OGN: variants seen among roughly 807,000 people sequenced by gnomAD.
The protein encoded by OGN is mimecan.
Under a neutral mutation model 30.8 loss-of-function variants are expected in OGN, and 19 were observed. The ratio of observed to expected loss-of-function variants is 0.62; its 90% CI spans 0.43 to 0.90. The LOEUF (loss-of-function observed/expected upper bound fraction) is 0.90, where lower values mean the gene tolerates loss of function less well. Among genes scored for constraint, OGN ranks in the 40% least tolerant of loss-of-function variants. OGN has a pLI of 0.00. For missense variants in OGN, 283 were observed against 349.7 expected (o/e 0.81, Z 1.52); for synonymous variants, 126 against 128.3 (o/e 0.98, Z 0.12).
In OGN at chr9:92,384,524, A is replaced by C. The variant is rs1413822930; in HGVS notation, c.*1096T>G. On this transcript the variant is annotated 3_prime_UTR_variant, in exon 7 of 7. Transcript: ENST00000375561. ...ACAAGTGAGAGGAATGTTATTTTAG[A>C]AACTTTACTCTGGCACCACTGAGTC... The C allele has an allele frequency of 1.3e-5, 2 of 152,342 alleles. No individual in the cohort carries two copies. The highest frequency in any genetic ancestry group is 3.9e-4 in the East Asian group (2 of 5,188). 9.4% of individuals were successfully genotyped at this position (152,342 alleles called of 1,614,324 possible). A position where few individuals can be genotyped will look rare whatever the true frequency, so the allele number is the denominator to read the frequency against.
At chr9:92,385,937 G>A in intron 6 of OGN, 147 bp from the exon 7 acceptor site, 1 of 732,868 alleles carries the variant, frequency 1.4e-6, no homozygotes, top group South Asian at 1.8e-5. Context: ...ATACTCAAAT[G>A]TACACCTGGA....
intron 3 of OGN, among the ~76,000 whole-genome samples, chr9:92,394,933 T>A (rs1241770577): frequency 1.3e-5 from 2 of 152,148 alleles, no homozygotes; most frequent in Admixed American, 1.3e-4. Context: ...AATTGATATT[T>A]TCATATCAAT....
At chr9:92,397,484 G>GC (rs1842937383) in intron 3 of OGN, among the ~76,000 whole-genome samples, 1 of 152,060 alleles carries the variant, frequency 6.6e-6, no homozygotes. Flanking sequence ...GTGCCACCAT[G>GC]CCCAGCTAAT....
intron 3 of OGN, among the ~76,000 whole-genome samples, chr9:92,399,417 A>G (rs1302854525): frequency 6.6e-6 from 1 of 152,114 alleles, no homozygotes; most frequent in Non-Finnish European, 1.5e-5. Context: ...TGCTTTATAA[A>G]TTAGAGTTAC....
At chr9:92,398,720 C>A (rs1373496988) in intron 3 of OGN, among the ~76,000 whole-genome samples, 1 of 152,158 alleles carries the variant, frequency 6.6e-6, no homozygotes, top group Non-Finnish European at 1.5e-5. Context: ...CAATTGCATG[C>A]AATGCTTTAG....
intron 4 of OGN, among the ~76,000 whole-genome samples, chr9:92,391,471 T>C (rs1054593269): frequency 3.2e-4 from 49 of 151,744 alleles, no homozygotes; most frequent in African/African-American, 1.1e-3. Flanking sequence ...TGGTGGCACA[T>C]GCCTGTAGTC....
chr9:92,398,260 GTTTATGTT>G (rs1842974296), intron 3 of OGN, among the ~76,000 whole-genome samples: 1 of 152,078 alleles, frequency 6.6e-6, no homozygotes, highest in Non-Finnish European at 1.5e-5. Context: ...GCACAATCAA[GTTTATGTT>G]TTTATGTTTG....
At chr9:92,395,055 C>T (rs1164516629) in intron 3 of OGN, among the ~76,000 whole-genome samples, 1 of 152,026 alleles carries the variant, frequency 6.6e-6, no homozygotes, top group African/African-American at 2.4e-5. Flanking sequence ...GGTTAGCTGA[C>T]TTACAATTAA....
chr9:92,385,803 G>A lies in OGN; in HGVS notation c.727-13C>T, dbSNP rs1195071008. On this transcript the variant is annotated splice_polypyrimidine_tract_variant and intron_variant, in intron 6 of 6. Transcript: ENST00000375561. The stretch of plus-strand genomic sequence containing the variant: ...CTATGTTGTTGAACTGAAAAAAAAC[G>A]AGGAAAACATTGTTCAGAAATCTGA... The A allele has an allele frequency of 1.6e-5, 25 of 1,612,838 alleles. No homozygotes were observed. The highest frequency in any genetic ancestry group is 3.3e-4 in the Middle Eastern group (2 of 6,082).
chr9:92,399,812 T>G (rs1843035577), intron 3 of OGN, among the ~76,000 whole-genome samples: 1 of 152,192 alleles, frequency 6.6e-6, no homozygotes, highest in Non-Finnish European at 1.5e-5. Context: ...AATTTTCATG[T>G]GTATTTTTGT....
At chr9:92,387,053 GAAAAAAAA>G (rs903436031) in intron 5 of OGN, among the ~76,000 whole-genome samples, 5 of 50,168 alleles carry the variant, frequency 1.0e-4, no homozygotes, top group African/African-American at 2.4e-4. Flanking sequence ...GTCTCAAAAA[GAAAAAAAA>G]AAAAAAAAAA....
chr9:92,385,518 A>G lies in OGN; in HGVS notation c.*102T>C. ...AAATATTAAATTCCTTCAAAATGAG[A>G]TACAAGGTTAATATTAAACCAATAC... On this transcript the variant is annotated 3_prime_UTR_variant, in exon 7 of 7. Coordinates refer to ENST00000375561, the MANE Select transcript of OGN (RefSeq NM_014057.5). 4 of 971,468 alleles carry G rather than the reference A, an allele frequency of 4.1e-6. No individual in the cohort carries two copies. The highest frequency in any genetic ancestry group is 6.2e-6 in the Non-Finnish European group (4 of 650,386). The allele number at this position is 971,468 out of a possible 1,614,324, so 60.2% of individuals were successfully genotyped here.
intron 3 of OGN, among the ~76,000 whole-genome samples, chr9:92,398,792 C>T (rs1029576515): frequency 6.6e-5 from 10 of 152,050 alleles, no homozygotes; most frequent in South Asian, 2.1e-4. Flanking sequence ...CAAAGTTGGC[C>T]GGGAGTGGTG....
At position 92,393,194 on chromosome 9, in the gene OGN, C is replaced by T; in HGVS notation, c.319G>A (p.Glu107Lys). 6.2e-7 allele frequency: 1 copy of T among 1,613,762 alleles called. No homozygotes were observed. Among genetic ancestry groups the T allele is most frequent in the Non-Finnish European group, 8.5e-7 (1 of 1,179,792 alleles). Residue 107 changes from glutamate (E) to lysine (K), a missense_variant, in exon 4 of 7, where the codon GAA (glutamate) becomes AAA (lysine). Coordinates refer to ENST00000375561, the MANE Select transcript of OGN (RefSeq NM_014057.5). ...CVCLSGSVYCEEVDIDAVPPL... is the reference protein window; with the variant it reads ...CVCLSGSVYCKEVDIDAVPPL... ...GGTACAGCATCAATGTCAACTTCTT[C>T]ACAGTATACAGAGCCACTTAAACAA...
At chr9:92,402,377 G>A (rs1308470386) in intron 2 of OGN, among the ~76,000 whole-genome samples, 3 of 152,136 alleles carry the variant, frequency 2.0e-5, no homozygotes, top group Non-Finnish European at 4.4e-5. Context: ...AATCTTATAA[G>A]TCTTTATCCT....
At position 92,394,974 on chromosome 9, in the gene OGN, GTTTAT is replaced by G. The variant is rs557092880; in HGVS notation, c.269-1735_269-1731del. Among the ~76,000 whole-genome samples the G allele has an allele frequency of 3.6e-3, 541 of 152,152 alleles. 1 individual carries two copies. The highest frequency in any genetic ancestry group is 5.4e-3 in the Non-Finnish European group (368 of 67,994). On this transcript the variant is annotated intron_variant, in intron 3 of 6. Coordinates refer to ENST00000375561, the MANE Select transcript of OGN (RefSeq NM_014057.5). ...TTGTGTCCCATAAGTCATAATCTGT[GTTTAT>G]TTTAATAGTCAAATTGTCACAGATT...
intron 5 of OGN, chr9:92,389,588 A>G: frequency 3.7e-6 from 1 of 269,880 alleles, no homozygotes; most frequent in Admixed American, 5.1e-5. Context: ...GTCTAAATAA[A>G]TATTTGCTGT....
In OGN at chr9:92,401,158, C is replaced by T. The variant is rs892054953; in HGVS notation, c.202G>A (p.Glu68Lys). Residue 68 changes from glutamate (E) to lysine (K), a missense_variant, in exon 3 of 7, where the codon GAG becomes AAG. Coordinates refer to ENST00000375561, the MANE Select transcript of OGN (RefSeq NM_014057.5). ...TCTTTTTGTAATTGAAGACTTTTCT[C>T]ATTGGGTATTATCACAGTTTCTTTT... ...KEKETVIIPN[E>K]KSLQLQKDEA... is the part of the protein sequence containing the mutation. 3 of 1,537,558 alleles carry T rather than the reference C, an allele frequency of 2.0e-6. No homozygotes were observed. The highest frequency in any genetic ancestry group is 1.7e-5 in the Admixed American group (1 of 59,452).
Position 92,404,497 on chromosome 9 carries a change from G to A in OGN, c.-77C>T, listed in dbSNP as rs368437420. On this transcript the variant is annotated splice_region_variant and 5_prime_UTR_variant, in exon 1 of 7. In the 5' UTR this introduces an upstream ATG that the reference lacks. Transcript: ENST00000375561. ...ATAATATATGAAAAGTAAGCCTACCGTTGTAGCTGTTTTGAAGTTTTTTGT... is the reference window on the plus strand; with the variant it reads ...ATAATATATGAAAAGTAAGCCTACCATTGTAGCTGTTTTGAAGTTTTTTGT... 1.2e-4 allele frequency: 151 copies of A among 1,287,422 alleles called. No homozygotes were observed. The highest frequency in any genetic ancestry group is 1.4e-4 in the Non-Finnish European group (135 of 983,594). The allele number at this position is 1,287,422 out of a possible 1,614,324, so 79.7% of individuals were successfully genotyped here. A position where few individuals can be genotyped will look rare whatever the true frequency, so the allele number is the denominator to read the frequency against.
Sources: gnomAD v4.1 joint callset for allele counts (sites outside exome capture counted in the v4.1 genomes callset) on GRCh38, gnomAD v4.1.1 for gene constraint, MANE v1.5 for transcripts, NCBI Gene and HGNC (gene_info 2026-07-23, HGNC 2026-07-21) for gene names.